Variants in RPP30 observed in about 807,000 individuals in gnomAD.
RPP30 encodes ribonuclease P/MRP subunit p30.
Under a neutral mutation model 38.6 loss-of-function variants are expected in RPP30, and 36 were observed. The observed-to-expected ratio is 0.93, with a 90% CI of 0.71 to 1.23. The LOEUF is 1.23. Among genes scored for constraint, RPP30 ranks in the 50% most tolerant of loss-of-function variants. The pLI is 0.00. For synonymous variants in RPP30, 126 were observed against 112.7 expected (o/e 1.12, Z -0.75); for missense variants, 321 against 321.7 (o/e 1.00, Z 0.02).
intron 10 of RPP30, among the ~76,000 whole-genome samples, 157 bp from the exon 11 acceptor site, chr10:90,900,413 G>GA (rs1484819828): frequency 6.6e-6 from 1 of 152,164 alleles, no homozygotes; most frequent in Non-Finnish European, 1.5e-5. Flanking sequence ...TGTCTGTTGG[G>GA]AAAAAAAGAT....
At chr10:90,903,192 G>C, downstream of RPP30, 1 of 1,564,336 alleles carries the variant, frequency 6.4e-7, no homozygotes, top group Admixed American at 1.7e-5. Context: ...TGCTTTAAAG[G>C]AACTAGAATT....
chr10:90,874,451 G>C (rs1425408501), intron 1 of RPP30, among the ~76,000 whole-genome samples: 1 of 152,164 alleles, frequency 6.6e-6, no homozygotes, highest in Non-Finnish European at 1.5e-5. Flanking sequence ...GGAACTTGAT[G>C]GGATAAAAAT....
Position 90,901,656 on chromosome 10 carries a change from A to G in RPP30, c.*977A>G. On this transcript the variant is annotated 3_prime_UTR_variant, in exon 11 of 11. Coordinates refer to ENST00000371703, the MANE Select transcript of RPP30 (RefSeq NM_006413.5). ...AACTTTGGAAATAATTTATTTTTAT[A>G]ATGGGATCATGTTAAGTAGAAGTAG... The G allele has an allele frequency of 1.0e-6, 1 of 985,022 alleles. No individual in the cohort carries two copies. Among genetic ancestry groups the G allele is most frequent in the South Asian group, 4.7e-5 (1 of 21,286 alleles). The allele number at this position is 985,022 out of a possible 1,614,324, so 61.0% of individuals were successfully genotyped here. A position where few individuals can be genotyped will look rare whatever the true frequency, so the allele number is the denominator to read the frequency against.
intron 4 of RPP30, among the ~76,000 whole-genome samples, chr10:90,876,783 G>T (rs1431335685): frequency 1.3e-5 from 2 of 152,162 alleles, no homozygotes; most frequent in African/African-American, 2.4e-5. Flanking sequence ...TTAACTAAGG[G>T]AGTGAAATGA....
intron 6 of RPP30, among the ~76,000 whole-genome samples, chr10:90,891,653 G>A (rs1259369406): frequency 6.6e-6 from 1 of 152,146 alleles, no homozygotes; most frequent in Non-Finnish European, 1.5e-5. Flanking sequence ...GTAAAACAGA[G>A]GAAGTTATGA....
At chr10:90,891,878 C>T (rs1402493100) in intron 6 of RPP30, among the ~76,000 whole-genome samples, 5 of 152,104 alleles carry the variant, frequency 3.3e-5, no homozygotes, top group Admixed American at 2.6e-4. Context: ...TCTTATGTTG[C>T]TTTGTGAGTC....
chr10:90,884,437 T>C (rs1021785359), intron 5 of RPP30, among the ~76,000 whole-genome samples: 1 of 152,236 alleles, frequency 6.6e-6, no homozygotes, highest in Non-Finnish European at 1.5e-5. Flanking sequence ...TTTGCCAGTA[T>C]GATCGATAAA....
intron 5 of RPP30, among the ~76,000 whole-genome samples, chr10:90,882,103 T>G (rs1414282530): frequency 6.6e-6 from 1 of 152,126 alleles, no homozygotes; most frequent in Non-Finnish European, 1.5e-5. Flanking sequence ...CTGTGGAATA[T>G]GACACAGAGA....
intron 5 of RPP30, among the ~76,000 whole-genome samples, chr10:90,883,467 G>T (rs935946075): frequency 6.6e-6 from 1 of 151,998 alleles, no homozygotes; most frequent in Non-Finnish European, 1.5e-5. Flanking sequence ...TTTATTTTGT[G>T]GTTATCTAAA....
Position 90,894,890 on chromosome 10 carries a change from AGGTAT to A in RPP30, c.549+3_549+7del. On this transcript the variant is annotated splice_donor_variant and splice_donor_region_variant and coding_sequence_variant and intron_variant, in exon 7 of 11. Coordinates refer to ENST00000371703, the MANE Select transcript of RPP30 (RefSeq NM_006413.5). LOFTEE classifies it high-confidence loss of function. ...AATTTGATGCAAATCTGCAAAGGAA[AGGTAT>A]GGTTCTATAATTTTAGGATGTTTTT... is the stretch of plus-strand genomic sequence containing the variant. 1 of 1,587,292 alleles carries A rather than the reference AGGTAT, an allele frequency of 6.3e-7. No individual in the cohort carries two copies. The highest frequency in any genetic ancestry group is 1.1e-5 in the South Asian group (1 of 90,530).
chr10:90,900,895 CTT>C lies in RPP30; in HGVS notation c.*218_*219del. 1 of 1,270,036 alleles carries C rather than the reference CTT, an allele frequency of 7.9e-7. No homozygotes were observed. The highest frequency in any genetic ancestry group is 9.9e-7 in the Non-Finnish European group (1 of 1,008,832). 78.7% of individuals were successfully genotyped at this position (1,270,036 alleles called of 1,614,324 possible). ...TGCCAGCTTAATGAATTTAGATGTA[CTT>C]TAAGAGAGAAAGACTGGTTATTTCT... On this transcript the variant is annotated 3_prime_UTR_variant, in exon 11 of 11. Coordinates refer to ENST00000371703, the MANE Select transcript of RPP30 (RefSeq NM_006413.5).
downstream of RPP30, among the ~76,000 whole-genome samples, chr10:90,907,658 CAT>C (rs769594712): frequency 6.6e-6 from 1 of 152,204 alleles, no homozygotes; most frequent in Non-Finnish European, 1.5e-5. Context: ...AAACATTTCT[CAT>C]ATCCTTGCTG....
In RPP30 at chr10:90,901,376, A is replaced by G. The variant is rs1847200411; in HGVS notation, c.*697A>G. 3.1e-6 allele frequency: 3 copies of G among 982,698 alleles called. No homozygotes were observed. The highest frequency in any genetic ancestry group is 2.4e-6 in the Non-Finnish European group (2 of 827,574). The allele number at this position is 982,698 out of a possible 1,614,324, so 60.9% of individuals were successfully genotyped here. On this transcript the variant is annotated 3_prime_UTR_variant, in exon 11 of 11. Coordinates refer to ENST00000371703, the MANE Select transcript of RPP30 (RefSeq NM_006413.5). ...AAGATATTCAAACTTATATTGAAGA[A>G]GTGACTTTAGTTCCTCTTGTTTTAA...
At chr10:90,873,061 G>A (rs964367343) in intron 1 of RPP30, among the ~76,000 whole-genome samples, 10 of 152,102 alleles carry the variant, frequency 6.6e-5, no homozygotes, top group African/African-American at 9.7e-5. Flanking sequence ...CCTCAATGAG[G>A]CTTTTCCTGA....
At chr10:90,878,311 T>C (rs1234471935) in intron 4 of RPP30, among the ~76,000 whole-genome samples, 2 of 152,134 alleles carry the variant, frequency 1.3e-5, no homozygotes, top group Non-Finnish European at 2.9e-5. Flanking sequence ...TTTATTATAC[T>C]TTTTCTTTTT....
At chr10:90,881,811 T>C (rs552708973) in intron 5 of RPP30, among the ~76,000 whole-genome samples, 1 of 152,330 alleles carries the variant, frequency 6.6e-6, no homozygotes, top group South Asian at 2.1e-4. Flanking sequence ...CAGGTATCTA[T>C]CTCTGTAGGT....
intron 6 of RPP30, among the ~76,000 whole-genome samples, chr10:90,890,715 A>G (rs1278937972): frequency 1.3e-5 from 2 of 152,228 alleles, no homozygotes; most frequent in African/African-American, 4.8e-5. Context: ...AAACAAGGTT[A>G]AAAGACAGAT....
chr10:90,895,358 C>A, intron 7 of RPP30, 96 bp from the exon 8 acceptor site: 2 of 718,218 alleles, frequency 2.8e-6, no homozygotes, highest in Non-Finnish European at 4.6e-6. Context: ...GTATTTGAGC[C>A]TTAAATGTTA....
chr10:90,890,821 A>AC (rs1219454203), intron 6 of RPP30, among the ~76,000 whole-genome samples: 1 of 151,724 alleles, frequency 6.6e-6, no homozygotes, highest in Non-Finnish European at 1.5e-5. Flanking sequence ...TAATAAGTTA[A>AC]AAAAAAAGAT....
Sources: allele counts gnomAD v4.1 joint callset (sites outside exome capture counted in the v4.1 genomes callset), GRCh38; gene constraint gnomAD v4.1.1; transcripts MANE v1.5; gene names NCBI Gene and HGNC (gene_info 2026-07-23, HGNC 2026-07-21).